Variants in MALRD1 observed in about 807,000 individuals in gnomAD.
MALRD1 encodes MAM and LDL-receptor class A domain-containing protein 1.
In MALRD1, 247 loss-of-function variants were observed where a neutral mutation model predicts 242.1. The observed-to-expected ratio is 1.02, with a 90% CI of 0.92 to 1.13. The LOEUF is 1.13. MALRD1 is among the 50% of genes most tolerant of loss of function. The probability of loss-of-function intolerance (pLI) is 0.00; values close to 1 mark genes in which losing one functional copy is unlikely to be tolerated. For synonymous variants in MALRD1, 995 were observed against 866.6 expected (o/e 1.15, Z -2.60); for missense variants, 2,989 against 2,533.1 (o/e 1.18, Z -3.86).
rs1838706492 is a variant in MALRD1, at chr10:19,607,758, T to C, written c.5945-19T>C. The C allele has an allele frequency of 1.9e-6, 3 of 1,544,858 alleles. No homozygotes were observed. Among genetic ancestry groups the C allele is most frequent in the Admixed American group, 2.0e-5 (1 of 50,466 alleles). Reference sequence around the variant, plus strand: ...AAATCATGCTGGCATCCCTGATCATTATTCTTTTTTTTTTGCAGCCAACAA... The same window carrying C: ...AAATCATGCTGGCATCCCTGATCATCATTCTTTTTTTTTTGCAGCCAACAA... On this transcript the variant is annotated intron_variant, in intron 34 of 39. Transcript: ENST00000454679.
chr10:19,620,036 T>A (rs543202048), intron 36 of MALRD1, among the ~76,000 whole-genome samples: 112 of 146,142 alleles, frequency 7.7e-4, no homozygotes, highest in African/African-American at 3.0e-3. Flanking sequence ...AATAATAATA[T>A]ATTGTTTATA....
intron 28 of MALRD1, among the ~76,000 whole-genome samples, chr10:19,411,196 C>T (rs536128582): frequency 1.5e-4 from 23 of 152,160 alleles, no homozygotes; most frequent in East Asian, 5.8e-4. Flanking sequence ...TTCAAGCTTT[C>T]GAGAAGATAT....
At chr10:19,411,957 C>A (rs938695964) in intron 28 of MALRD1, among the ~76,000 whole-genome samples, 5 of 152,302 alleles carry the variant, frequency 3.3e-5, no homozygotes, top group Non-Finnish European at 7.3e-5. Context: ...TTTTTCATAT[C>A]TTTACATTGA....
Position 19,155,134 on chromosome 10 carries a change from G to A in MALRD1, c.1618G>A (p.Val540Ile). Residue 540 changes from valine (V) to isoleucine (I), a missense_variant, in exon 12 of 40, where the codon GTT becomes ATT. Transcript: ENST00000454679. ...SPGVAKLGSP[V>I]LTKLLTASTP... ...CGGGGTGGCCAAGCTTGGAAGTCCT[G>A]TTCTTACAAAATTGCTCACTGCCTC... 8.1e-7 allele frequency: 1 copy of A among 1,231,508 alleles called. No individual in the cohort carries two copies. Among genetic ancestry groups the A allele is most frequent in the Non-Finnish European group, 1.0e-6 (1 of 987,884 alleles). 76.3% of individuals were successfully genotyped at this position (1,231,508 alleles called of 1,614,324 possible). A position where few individuals can be genotyped will look rare whatever the true frequency, so the allele number is the denominator to read the frequency against.
intron 33 of MALRD1, among the ~76,000 whole-genome samples, chr10:19,594,328 C>G (rs1291075764): frequency 1.3e-5 from 2 of 152,020 alleles, no homozygotes; most frequent in East Asian, 1.9e-4. Flanking sequence ...ATTAAAAAGT[C>G]AGAAAACAGT....
At chr10:19,094,159 G>A (rs1835927389) in intron 4 of MALRD1, among the ~76,000 whole-genome samples, 1 of 108,028 alleles carries the variant, frequency 9.3e-6, no homozygotes, top group African/African-American at 3.8e-5. Context: ...ACCTAAGCAA[G>A]CCTGGGCAAT....
At chr10:19,311,141 T>A (rs1842408385) in intron 21 of MALRD1, among the ~76,000 whole-genome samples, 1 of 151,460 alleles carries the variant, frequency 6.6e-6, no homozygotes, top group African/African-American at 2.4e-5. Context: ...ATCTTTCAGA[T>A]AAAATTAGTT....
chr10:19,432,499 A>C (rs1834176461), intron 28 of MALRD1, among the ~76,000 whole-genome samples: 1 of 152,200 alleles, frequency 6.6e-6, no homozygotes, highest in Admixed American at 6.5e-5. Context: ...TAATTCATTC[A>C]GTTGAAATTA....
chr10:19,164,564 T>A (rs965014913), intron 12 of MALRD1, among the ~76,000 whole-genome samples: 1 of 152,188 alleles, frequency 6.6e-6, no homozygotes, highest in African/African-American at 2.4e-5. Flanking sequence ...TATATGATAA[T>A]GAGAAGAGGC....
intron 26 of MALRD1, among the ~76,000 whole-genome samples, chr10:19,386,405 G>A (rs1356994663): frequency 1.3e-5 from 1 of 75,988 alleles, no homozygotes; most frequent in Non-Finnish European, 2.7e-5. Flanking sequence ...CCTGGAAGAA[G>A]GAGAAGACAA....
intron 31 of MALRD1, among the ~76,000 whole-genome samples, chr10:19,503,090 A>ATTCTG (rs1838049271): frequency 6.6e-6 from 1 of 152,184 alleles, no homozygotes; most frequent in Admixed American, 6.5e-5. Context: ...ATACTTTATT[A>ATTCTG]TCCTCCTTGT....
Position 19,384,366 on chromosome 10 carries a change from TATATA to T in MALRD1, c.4442-3152_4442-3148del, listed in dbSNP as rs899053204. 1.4e-3 allele frequency among the ~76,000 whole-genome samples: 175 copies of T among 121,800 alleles called. 1 individual carries two copies. The highest frequency in any genetic ancestry group is 2.4e-3 in the Non-Finnish European group (151 of 62,178). 79.9% of individuals were successfully genotyped at this position (121,800 alleles called of 152,430 possible). Reference sequence around the variant, plus strand: ...TTACTATATAATATATATTATATAGTATATAATATAATATTTACTATATATTATAT... The same window carrying T: ...TTACTATATAATATATATTATATAGTATATAATATTTACTATATATTATAT... On this transcript the variant is annotated intron_variant, in intron 26 of 39. Coordinates refer to ENST00000454679, the MANE Select transcript of MALRD1 (RefSeq NM_001142308.3).
intron 5 of MALRD1, among the ~76,000 whole-genome samples, chr10:19,113,298 C>G (rs1274281960): frequency 6.6e-6 from 1 of 152,078 alleles, no homozygotes; most frequent in African/African-American, 2.4e-5. Flanking sequence ...GTCCAATGTC[C>G]TCCTTCACAA....
At chr10:19,424,380 G>A (rs1407807582) in intron 28 of MALRD1, among the ~76,000 whole-genome samples, 2 of 152,196 alleles carry the variant, frequency 1.3e-5, no homozygotes, top group Middle Eastern at 3.4e-3. Flanking sequence ...GTCTGGTCTC[G>A]ATCTCCTGAC....
intron 36 of MALRD1, among the ~76,000 whole-genome samples, chr10:19,634,311 T>C (rs764383884): frequency 5.9e-5 from 9 of 152,178 alleles, no homozygotes; most frequent in Non-Finnish European, 8.8e-5. Flanking sequence ...CTCACCTACT[T>C]AGTCGATGAT....
At chr10:19,675,970 T>A (rs959479614) in intron 36 of MALRD1, among the ~76,000 whole-genome samples, 1 of 152,160 alleles carries the variant, frequency 6.6e-6, no homozygotes, top group Non-Finnish European at 1.5e-5. Flanking sequence ...TGATAATTGG[T>A]CTGTATCCTT....
intron 28 of MALRD1, among the ~76,000 whole-genome samples, chr10:19,443,674 T>C (rs1216108740): frequency 6.6e-6 from 1 of 152,238 alleles, no homozygotes; most frequent in Non-Finnish European, 1.5e-5. Flanking sequence ...GATTGCACTG[T>C]GGTCTGTGAG....
chr10:19,232,843 G>A (rs1290956056), intron 18 of MALRD1, among the ~76,000 whole-genome samples: 1 of 151,850 alleles, frequency 6.6e-6, no homozygotes, highest in Non-Finnish European at 1.5e-5. Context: ...CTCTTTCACT[G>A]TCCTAAAAGA....
intron 36 of MALRD1, among the ~76,000 whole-genome samples, chr10:19,618,709 C>T (rs535051874): frequency 1.6e-4 from 24 of 151,890 alleles, no homozygotes; most frequent in African/African-American, 4.8e-4. Context: ...ATTTGAAACC[C>T]CTTGTATTAA....
Sources: gnomAD v4.1 joint callset for allele counts (sites outside exome capture counted in the v4.1 genomes callset) on GRCh38, gnomAD v4.1.1 for gene constraint, MANE v1.5 for transcripts, NCBI Gene and HGNC (gene_info 2026-07-23, HGNC 2026-07-21) for gene names.